The following CDH22 variants were observed in gnomAD, a reference collection of about 807,000 sequenced individuals.
CDH22 encodes cadherin 22, also known as cadherin-22.
Under a neutral mutation model 58.4 loss-of-function variants are expected in CDH22, and 30 were observed. The observed-to-expected ratio is 0.51, with a 90% CI of 0.38 to 0.70. The LOEUF (loss-of-function observed/expected upper bound fraction) is 0.70. CDH22 is among the 30% of genes least tolerant of loss of function. The pLI is 0.00. For synonymous variants in CDH22, 513 were observed against 558.2 expected (o/e 0.92, Z 1.14); for missense variants, 1,014 against 1,233.9 (o/e 0.82, Z 2.67).
intron 10 of CDH22, among the ~76,000 whole-genome samples, chr20:46,185,157 ACACACAAAC>A (rs984794599): frequency 1.3e-5 from 2 of 151,436 alleles, no homozygotes; most frequent in Admixed American, 6.6e-5. Flanking sequence ...ACACACACAC[ACACACAAAC>A]AACAACAAAC....
chr20:46,238,934 C>T (rs964011246), intron 3 of CDH22, among the ~76,000 whole-genome samples: 34 of 152,258 alleles, frequency 2.2e-4, no homozygotes, highest in Admixed American at 3.9e-4. Flanking sequence ...TAAAAGGCAA[C>T]GCCCTGGCTA....
chr20:46,195,469 C>T (rs1028425480), intron 8 of CDH22, among the ~76,000 whole-genome samples: 5 of 152,182 alleles, frequency 3.3e-5, no homozygotes, highest in East Asian at 1.9e-4. Flanking sequence ...AAGCTTCTGG[C>T]GAGTCTGGTT....
chr20:46,217,075 G>T, intron 4 of CDH22, 82 bp from the exon 5 acceptor site: 1 of 1,354,740 alleles, frequency 7.4e-7, no homozygotes, highest in Non-Finnish European at 1.0e-6. Flanking sequence ...GCGGGATTCA[G>T]ACCCTGTGAC....
At chr20:46,238,278 T>C (rs1568669414) in intron 3 of CDH22, among the ~76,000 whole-genome samples, 1 of 152,154 alleles carries the variant, frequency 6.6e-6, no homozygotes, top group Non-Finnish European at 1.5e-5. Context: ...GCTGTGAGTT[T>C]AAGTCAGTAG....
intron 1 of CDH22, among the ~76,000 whole-genome samples, chr20:46,273,264 T>G (rs1404644403): frequency 1.3e-5 from 2 of 152,224 alleles, no homozygotes; most frequent in African/African-American, 4.8e-5. Flanking sequence ...CTCTCTAAGT[T>G]CTCTGGGCTT....
intron 11 of CDH22, among the ~76,000 whole-genome samples, chr20:46,177,507 A>G (rs562137042): frequency 4.6e-5 from 7 of 152,126 alleles, no homozygotes; most frequent in African/African-American, 1.7e-4. Flanking sequence ...CTAATATCAA[A>G]TCCAAAGATT....
chr20:46,239,392 G>A (rs1436494213), intron 3 of CDH22, among the ~76,000 whole-genome samples: 1 of 152,188 alleles, frequency 6.6e-6, no homozygotes, highest in Non-Finnish European at 1.5e-5. Context: ...TCCTGTGTGT[G>A]TACACCAGTC....
chr20:46,230,845 C>T (rs1427921063), intron 3 of CDH22, among the ~76,000 whole-genome samples: 1 of 152,168 alleles, frequency 6.6e-6, no homozygotes, highest in East Asian at 1.9e-4. Flanking sequence ...TTTCTATGCT[C>T]AGCACCAAGG....
At chr20:46,297,633 CAGAAAAGAG>C (rs1348852815) in intron 1 of CDH22, among the ~76,000 whole-genome samples, 2 of 137,542 alleles carry the variant, frequency 1.5e-5, no homozygotes, top group Non-Finnish European at 3.1e-5. Flanking sequence ...CACAAAGGCT[CAGAAAAGAG>C]AGTGCGGGCT....
At chr20:46,253,568 CAGCCCTGCTCCGCA>C (rs1285307114) in intron 1 of CDH22, among the ~76,000 whole-genome samples, 1 of 152,188 alleles carries the variant, frequency 6.6e-6, no homozygotes, top group African/African-American at 2.4e-5. Flanking sequence ...CCAACCCTGG[CAGCCCTGCTCCGCA>C]AGCCCTGCTC....
intron 8 of CDH22, among the ~76,000 whole-genome samples, chr20:46,193,911 T>C (rs769790833): frequency 1.4e-4 from 22 of 152,134 alleles, no homozygotes; most frequent in Middle Eastern, 3.2e-3. Flanking sequence ...CCCAGTGCTT[T>C]GGGAGGCCAA....
At chr20:46,178,586 CTTTTTTTTTTT>C (rs33937889) in intron 10 of CDH22, among the ~76,000 whole-genome samples, 3 of 95,376 alleles carry the variant, frequency 3.1e-5, no homozygotes, top group African/African-American at 4.2e-5. Flanking sequence ...CTGGCGTTGT[CTTTTTTTTTTT>C]TTTTTTTTTT....
chr20:46,253,395 C>T (rs889797961), intron 1 of CDH22, among the ~76,000 whole-genome samples: 1 of 152,114 alleles, frequency 6.6e-6, no homozygotes, highest in Non-Finnish European at 1.5e-5. Flanking sequence ...AGTGGGAAAA[C>T]GTCCACACTC....
chr20:46,244,587 G>A (rs1012226817), intron 2 of CDH22, among the ~76,000 whole-genome samples: 3 of 152,238 alleles, frequency 2.0e-5, no homozygotes, highest in African/African-American at 7.2e-5. Context: ...GTTTGTAAAT[G>A]TATCCCTATT....
intron 1 of CDH22, among the ~76,000 whole-genome samples, chr20:46,288,874 C>T (rs2086587639): frequency 6.6e-6 from 1 of 152,210 alleles, no homozygotes; most frequent in African/African-American, 2.4e-5. Flanking sequence ...GCAACAGCCT[C>T]CTAACTGGTA....
chr20:46,179,778 A>G (rs1379308056), intron 10 of CDH22, among the ~76,000 whole-genome samples: 5 of 152,142 alleles, frequency 3.3e-5, no homozygotes, highest in Admixed American at 2.6e-4. Context: ...ACCCTTAGAA[A>G]AGTTCCCAGC....
rs1463577654 is a variant in CDH22, at chr20:46,174,559, G to A, written c.2434C>T (p.Leu812=). ...CGGTGGCCGGCGTAGAGCGCGGCCA[G>A]GGGCCGGAAGCGCGGACCCCAGCTG... ...LSSWGPRFRP[L]AALYAGHRGD... Residue 812 remains leucine (L), a synonymous_variant, in exon 12 of 12, where the codon CTG becomes TTG. Coordinates refer to ENST00000537909, the MANE Select transcript of CDH22 (RefSeq NM_021248.3). The surrounding 1 kb of genome is among the most constrained non-coding windows in gnomAD (Gnocchi z 4.4). 8.5e-6 allele frequency: 13 copies of A among 1,526,504 alleles called. No individual in the cohort carries two copies. Among genetic ancestry groups the A allele is most frequent in the Non-Finnish European group, 1.1e-5 (13 of 1,142,520 alleles). The allele number at this position is 1,526,504 out of a possible 1,614,324, so 94.6% of individuals were successfully genotyped here. A position where few individuals can be genotyped will look rare whatever the true frequency, so the allele number is the denominator to read the frequency against.
chr20:46,287,954 A>G lies in CDH22; in HGVS notation c.-400+20301T>C, dbSNP rs182751040. 3.8e-3 allele frequency among the ~76,000 whole-genome samples: 578 copies of G among 152,262 alleles called. 5 individuals carry two copies. The highest frequency in any genetic ancestry group is 0.013 in the African/African-American group (533 of 41,558). On this transcript the variant is annotated intron_variant, in intron 1 of 11. Coordinates refer to ENST00000537909, the MANE Select transcript of CDH22 (RefSeq NM_021248.3). Reference sequence around the variant, plus strand: ...AGAGGAGTGGGCTATTTCTAGAGACATACGGAAGGCAGAATCCTCGGGATA... The same window carrying G: ...AGAGGAGTGGGCTATTTCTAGAGACGTACGGAAGGCAGAATCCTCGGGATA...
At chr20:46,205,789 T>C (rs2085998374) in intron 7 of CDH22, among the ~76,000 whole-genome samples, 3 of 152,144 alleles carry the variant, frequency 2.0e-5, no homozygotes, top group African/African-American at 7.2e-5. Context: ...GCAGCCTGTC[T>C]CCAAGTGCTC....
Sources: allele counts gnomAD v4.1 joint callset (sites outside exome capture counted in the v4.1 genomes callset), GRCh38; gene constraint gnomAD v4.1.1; non-coding constraint Gnocchi (gnomAD v3.1); transcripts MANE v1.5; gene names NCBI Gene and HGNC (gene_info 2026-07-23, HGNC 2026-07-21).